LRP1B: variants seen among roughly 807,000 people sequenced by gnomAD.
LRP1B encodes the protein LDL receptor related protein 1B, also known as low-density lipoprotein receptor-related protein 1B.
Under a neutral mutation model 556.6 loss-of-function variants are expected in LRP1B, and 217 were observed. The observed-to-expected ratio is 0.39, with a 90% CI of 0.35 to 0.44. The LOEUF (loss-of-function observed/expected upper bound fraction) is 0.44, where lower values mean the gene tolerates loss of function less well. Among genes scored for constraint, LRP1B ranks in the 20% least tolerant of loss-of-function variants. LRP1B has a pLI of 1.00. For synonymous variants in LRP1B, 2,047 were observed against 1,865.8 expected (o/e 1.10, Z -2.50); for missense variants, 5,053 against 5,620.8 (o/e 0.90, Z 3.23).
intron 2 of LRP1B, among the ~76,000 whole-genome samples, chr2:141,667,967 T>C (rs914473274): frequency 1.3e-5 from 2 of 152,188 alleles, no homozygotes; most frequent in Admixed American, 1.3e-4. Flanking sequence ...TTTTACATAA[T>C]AATACATAAC....
intron 35 of LRP1B, among the ~76,000 whole-genome samples, chr2:140,717,672 C>T (rs1687260904): frequency 2.6e-5 from 4 of 152,048 alleles, no homozygotes; most frequent in South Asian, 2.1e-4. Flanking sequence ...CAACTAAGTA[C>T]GTTTTTGTGT....
chr2:140,263,068 C>T (rs971441310), intron 86 of LRP1B, among the ~76,000 whole-genome samples: 9 of 152,050 alleles, frequency 5.9e-5, no homozygotes, highest in South Asian at 2.1e-4. Context: ...GAACCACAGG[C>T]GCACACCACC....
intron 43 of LRP1B, among the ~76,000 whole-genome samples, chr2:140,547,067 A>G (rs971966724): frequency 6.6e-6 from 1 of 152,130 alleles, no homozygotes; most frequent in African/African-American, 2.4e-5. Flanking sequence ...TATTTTCTTG[A>G]GAACTTTTGC....
In LRP1B at chr2:141,049,082, C is replaced by T. The variant is rs759283974; in HGVS notation, c.1693G>A (p.Ala565Thr). 24 of 1,613,364 alleles carry T rather than the reference C, an allele frequency of 1.5e-5. No homozygotes were observed. Among genetic ancestry groups the T allele is most frequent in the Non-Finnish European group, 1.9e-5 (22 of 1,179,674 alleles). The change falls in exon 11 of 91, where the codon GCA becomes ACA. Residue 565 changes from alanine (A) to threonine (T), a missense_variant. This residue lies in a region of LRP1B where 3,619 missense variants were observed against 3,931.9 expected (regional missense o/e 0.92). Transcript: ENST00000389484. ...GCAAAGTAGATGTAATTGGTTTCTG[C>T]GTGAAAGTCTAAAGCACGAGGGTTT... ...LVNPRALDFH[A>T]ETNYIYFADT... is the part of the protein sequence containing the mutation.
chr2:141,480,563 T>C (rs1435204553), intron 2 of LRP1B, 30 bp from the exon 3 acceptor site: 2 of 1,611,924 alleles, frequency 1.2e-6, no homozygotes, highest in South Asian at 2.2e-5. Context: ...AACAGAATTA[T>C]GTGTTAGCTT....
chr2:140,870,029 T>A (rs1380735823), intron 25 of LRP1B, among the ~76,000 whole-genome samples: 1 of 152,056 alleles, frequency 6.6e-6, no homozygotes, highest in Non-Finnish European at 1.5e-5. Context: ...GGGACTCTCT[T>A]TCTGGAAGTA....
chr2:141,431,058 C>A (rs1489895670), intron 3 of LRP1B, among the ~76,000 whole-genome samples: 1 of 151,852 alleles, frequency 6.6e-6, no homozygotes, highest in Non-Finnish European at 1.5e-5. Flanking sequence ...ACTGCTTGAG[C>A]CCAGGAGGTT....
At chr2:141,360,331 G>C (rs1275277478) in intron 3 of LRP1B, among the ~76,000 whole-genome samples, 1 of 152,188 alleles carries the variant, frequency 6.6e-6, no homozygotes, top group Non-Finnish European at 1.5e-5. Flanking sequence ...TCCAAGCTAA[G>C]TAAGACCTTC....
chr2:141,921,728 A>T (rs1044437766), intron 1 of LRP1B, among the ~76,000 whole-genome samples: 5 of 152,022 alleles, frequency 3.3e-5, no homozygotes, highest in African/African-American at 1.2e-4. Flanking sequence ...GTTTTACTTG[A>T]CCAAATAAAT....
At chr2:140,982,364 A>G in intron 17 of LRP1B, 88 bp from the exon 18 acceptor site, 1 of 783,988 alleles carries the variant, frequency 1.3e-6, no homozygotes, top group Non-Finnish European at 2.2e-6. Flanking sequence ...TTCCTTTCAT[A>G]CATAAGATAG....
intron 60 of LRP1B, among the ~76,000 whole-genome samples, chr2:140,463,983 G>A (rs536642503): frequency 2.3e-4 from 35 of 152,136 alleles, no homozygotes; most frequent in African/African-American, 8.0e-4. Flanking sequence ...ATCACCTGAG[G>A]TCAGGAGTTC....
intron 2 of LRP1B, among the ~76,000 whole-genome samples, chr2:141,542,033 T>C (rs943164908): frequency 6.8e-6 from 1 of 147,272 alleles, no homozygotes; most frequent in African/African-American, 2.5e-5. Context: ...ATTCCTGCAA[T>C]ATTTCACTTC....
chr2:141,021,728 T>G (rs1698068972), intron 11 of LRP1B, among the ~76,000 whole-genome samples: 1 of 152,000 alleles, frequency 6.6e-6, no homozygotes, highest in Admixed American at 6.6e-5. Flanking sequence ...ATTTTTTTCA[T>G]ATGAAGCAGT....
intron 83 of LRP1B, among the ~76,000 whole-genome samples, chr2:140,304,358 G>A (rs1316182687): frequency 6.6e-6 from 1 of 152,116 alleles, no homozygotes; most frequent in Non-Finnish European, 1.5e-5. Flanking sequence ...ATTCTAACTA[G>A]TGTGAGATGG....
intron 1 of LRP1B, among the ~76,000 whole-genome samples, chr2:142,055,118 A>T (rs909223327): frequency 1.3e-5 from 2 of 152,138 alleles, no homozygotes; most frequent in African/African-American, 4.8e-5. Flanking sequence ...GACAAGACAG[A>T]ATGTTTTTCT....
intron 11 of LRP1B, among the ~76,000 whole-genome samples, chr2:141,041,332 G>A (rs910781029): frequency 3.3e-5 from 5 of 152,058 alleles, no homozygotes; most frequent in African/African-American, 1.2e-4. Flanking sequence ...CAGTTCTGAA[G>A]GTCAATATCC....
intron 28 of LRP1B, among the ~76,000 whole-genome samples, chr2:140,851,044 A>T (rs201270749): frequency 6.6e-6 from 1 of 152,280 alleles, no homozygotes; most frequent in African/African-American, 2.4e-5. Flanking sequence ...TTTGGTGAGT[A>T]CTTTTTTTCT....
At chr2:140,924,456 G>A (rs1011224151) in intron 20 of LRP1B, among the ~76,000 whole-genome samples, 2 of 151,634 alleles carry the variant, frequency 1.3e-5, no homozygotes, top group African/African-American at 4.8e-5. Context: ...AATCTGTCAG[G>A]TGATACAATA....
Position 140,565,615 on chromosome 2 carries a change from T to C in LRP1B, c.7195-23644A>G, listed in dbSNP as rs911070646. ...ATTCTGACATTAGCAAGATGTTTGA[T>C]AAGAAATCCCTAGTGCTCATTTCCC... On this transcript the variant is annotated intron_variant, in intron 43 of 90. Coordinates refer to ENST00000389484, the MANE Select transcript of LRP1B (RefSeq NM_018557.3). Among the ~76,000 whole-genome samples, 6 of 152,190 alleles carry C rather than the reference T, an allele frequency of 3.9e-5. 1 individual carries two copies. The highest frequency in any genetic ancestry group is 3.3e-4 in the Admixed American group (5 of 15,270).
Sources: allele counts gnomAD v4.1 joint callset (sites outside exome capture counted in the v4.1 genomes callset), GRCh38; gene constraint gnomAD v4.1.1; regional missense constraint gnomAD v4.1.1; transcripts MANE v1.5; gene names NCBI Gene and HGNC (gene_info 2026-07-23, HGNC 2026-07-21).